Variants in MYRIP observed in about 807,000 individuals in gnomAD.
MYRIP encodes the protein myosin VIIA and Rab interacting protein, also known as rab effector MyRIP.
Under a neutral mutation model 98.0 loss-of-function variants are expected in MYRIP, and 49 were observed. That is an observed-to-expected ratio of 0.50 (90% CI 0.40 to 0.63). The LOEUF (loss-of-function observed/expected upper bound fraction) is 0.63. MYRIP is among the 30% of genes least tolerant of loss of function. The probability of loss-of-function intolerance (pLI) is 0.00; values close to 1 mark genes in which losing one functional copy is unlikely to be tolerated. For synonymous variants in MYRIP, 404 were observed against 409.5 expected, an observed-to-expected ratio of 0.99 and a Z score of 0.16; for missense variants, 1,004 against 1,058.2, an observed-to-expected ratio of 0.95 and a Z score of 0.71.
intron 8 of MYRIP, chr3:40,173,213 C>T (rs1315678083): frequency 1.3e-5 from 2 of 152,168 alleles, no homozygotes; most frequent in Non-Finnish European, 2.9e-5. Flanking sequence ...CATGAGAGCA[C>T]CCTGCATTAT....
intron 1 of MYRIP, among the ~76,000 whole-genome samples, chr3:39,891,467 T>C (rs1943485642): frequency 6.6e-6 from 1 of 152,172 alleles, no homozygotes; most frequent in Non-Finnish European, 1.5e-5. Context: ...CATTCTCTAT[T>C]GAAGACTTTC....
intron 1 of MYRIP, among the ~76,000 whole-genome samples, chr3:39,811,674 T>C (rs756340036): frequency 3.3e-5 from 5 of 151,476 alleles, no homozygotes; most frequent in African/African-American, 4.9e-5. Context: ...AGGCTGTGTG[T>C]GTGTGTGTTG....
At chr3:39,831,696 C>T (rs1414808657) in intron 1 of MYRIP, among the ~76,000 whole-genome samples, 1 of 152,124 alleles carries the variant, frequency 6.6e-6, no homozygotes, top group African/African-American at 2.4e-5. Context: ...ATACCTATGT[C>T]ATTCTACATA....
intron 3 of MYRIP, among the ~76,000 whole-genome samples, chr3:40,086,534 G>T (rs149957984): frequency 6.6e-6 from 1 of 152,172 alleles, no homozygotes; most frequent in Non-Finnish European, 1.5e-5. Context: ...GCTGCTCTTC[G>T]CCAGGTTTCA....
chr3:39,975,917 T>C (rs1433175646), intron 2 of MYRIP, among the ~76,000 whole-genome samples: 1 of 152,184 alleles, frequency 6.6e-6, no homozygotes, highest in East Asian at 1.9e-4. Context: ...ATTAAAGACT[T>C]AAATGTTAGA....
intron 2 of MYRIP, among the ~76,000 whole-genome samples, chr3:39,988,202 C>T (rs1946082166): frequency 6.6e-6 from 1 of 151,946 alleles, no homozygotes; most frequent in Non-Finnish European, 1.5e-5. Flanking sequence ...GGAGATATAC[C>T]TAATGCTAAA....
intron 2 of MYRIP, among the ~76,000 whole-genome samples, chr3:39,930,807 T>C (rs1944521939): frequency 6.6e-6 from 1 of 152,104 alleles, no homozygotes; most frequent in Admixed American, 6.5e-5. Flanking sequence ...ATTGTCTTGG[T>C]ATCCTTGTCT....
chr3:39,897,702 A>G (rs1022872749), intron 1 of MYRIP, among the ~76,000 whole-genome samples: 3 of 151,856 alleles, frequency 2.0e-5, no homozygotes, highest in African/African-American at 7.3e-5. Flanking sequence ...TCGCACAGGG[A>G]CTCTGACTGT....
At chr3:40,082,162 A>G (rs1381250385) in intron 3 of MYRIP, among the ~76,000 whole-genome samples, 1 of 152,248 alleles carries the variant, frequency 6.6e-6, no homozygotes, top group Non-Finnish European at 1.5e-5. Context: ...GTAATTTAGT[A>G]TAGCCATTAT....
At chr3:39,874,564 G>T (rs1297504114) in intron 1 of MYRIP, among the ~76,000 whole-genome samples, 12 of 151,974 alleles carry the variant, frequency 7.9e-5, no homozygotes, top group Non-Finnish European at 1.3e-4. Context: ...TTGTTGAATT[G>T]TGTCAAAGGC....
chr3:39,905,096 G>C (rs143063023), intron 2 of MYRIP, among the ~76,000 whole-genome samples: 1 of 152,298 alleles, frequency 6.6e-6, no homozygotes, highest in African/African-American at 2.4e-5. Context: ...CTACCTCCAG[G>C]TGCTTTGGGT....
chr3:40,043,886 A>G (rs947444216), intron 2 of MYRIP, among the ~76,000 whole-genome samples, 164 bp from the exon 3 acceptor site: 1 of 152,228 alleles, frequency 6.6e-6, no homozygotes, highest in Non-Finnish European at 1.5e-5. Flanking sequence ...TTCTCTGGAC[A>G]TAATGTTGAG....
chr3:40,071,747 G>A (rs563655036), intron 3 of MYRIP, among the ~76,000 whole-genome samples: 42 of 152,210 alleles, frequency 2.8e-4, no homozygotes, highest in African/African-American at 9.9e-4. Context: ...CTCACAGAGG[G>A]TAGTTTGGAA....
At chr3:39,837,731 A>G (rs538800308) in intron 1 of MYRIP, among the ~76,000 whole-genome samples, 7 of 152,296 alleles carry the variant, frequency 4.6e-5, no homozygotes, top group Non-Finnish European at 1.0e-4. Flanking sequence ...AATTTAAAGT[A>G]GTTTTTTCTA....
chr3:39,816,140 G>A (rs1183585784), intron 1 of MYRIP, among the ~76,000 whole-genome samples: 1 of 150,850 alleles, frequency 6.6e-6, no homozygotes, highest in East Asian at 1.9e-4. Flanking sequence ...GGAGTGCAGT[G>A]GTGCAATCTC....
intron 8 of MYRIP, among the ~76,000 whole-genome samples, chr3:40,170,924 G>T (rs1311992229): frequency 6.6e-6 from 1 of 152,080 alleles, no homozygotes; most frequent in African/African-American, 2.4e-5. Context: ...TTAAAACGAG[G>T]GCATGCAAAG....
intron 2 of MYRIP, among the ~76,000 whole-genome samples, chr3:39,943,313 A>C (rs1944831279): frequency 6.6e-6 from 1 of 152,176 alleles, no homozygotes; most frequent in Non-Finnish European, 1.5e-5. Context: ...AAGTTTTATG[A>C]TGACTCCATC....
chr3:40,175,517 T>C (rs1454052523), intron 8 of MYRIP, among the ~76,000 whole-genome samples: 4 of 152,208 alleles, frequency 2.6e-5, no homozygotes, highest in African/African-American at 9.6e-5. Flanking sequence ...TCCTTTCCCA[T>C]TCTCAGACTC....
chr3:39,904,584 T>C (rs1943830918), intron 2 of MYRIP, among the ~76,000 whole-genome samples: 1 of 152,090 alleles, frequency 6.6e-6, no homozygotes, highest in South Asian at 2.1e-4. Flanking sequence ...GGATGTGATA[T>C]TGTTACCCAT....
Sources: gnomAD v4.1 joint callset for allele counts (sites outside exome capture counted in the v4.1 genomes callset) on GRCh38, gnomAD v4.1.1 for gene constraint, MANE v1.5 for transcripts, NCBI Gene and HGNC (gene_info 2026-07-23, HGNC 2026-07-21) for gene names.